The following MLIP variants were observed in gnomAD, a reference collection of about 807,000 sequenced individuals.
MLIP encodes muscular LMNA-interacting protein.
Under a neutral mutation model 84.8 loss-of-function variants are expected in MLIP, and 79 were observed. The ratio of observed to expected loss-of-function variants is 0.93; its 90% CI spans 0.78 to 1.12. The LOEUF is 1.12. MLIP is among the 50% of genes most tolerant of loss of function. The probability of loss-of-function intolerance (pLI) is 0.00; values close to 1 mark genes in which losing one functional copy is unlikely to be tolerated. For synonymous variants in MLIP, 504 were observed against 463.0 expected (o/e 1.09, Z -1.14); for missense variants, 1,257 against 1,160.6 (o/e 1.08, Z -1.21).
intron 1 of MLIP, among the ~76,000 whole-genome samples, chr6:54,024,232 G>A (rs945235213): frequency 2.0e-5 from 3 of 151,692 alleles, no homozygotes; most frequent in East Asian, 3.9e-4. Context: ...GGCTAGTTTC[G>A]AACTCCTGAC....
chr6:54,032,513 G>A (rs1158034357), intron 1 of MLIP: 1 of 152,060 alleles, frequency 6.6e-6, no homozygotes, highest in Admixed American at 6.6e-5. Flanking sequence ...TGTGCATTTG[G>A]TTTGGGTTTG....
intron 1 of MLIP, chr6:54,058,784 A>G (rs1765801921): frequency 6.6e-6 from 1 of 152,220 alleles, no homozygotes; most frequent in Non-Finnish European, 1.5e-5. Flanking sequence ...AACAAATATC[A>G]GATATCAGAT....
chr6:54,252,297 T>C lies in MLIP; in HGVS notation c.2923-5011T>C, dbSNP rs867054974. ...AATATAACTATAATATATTATACCA[T>C]ATAATATATAATATAACTATAATAT... On this transcript the variant is annotated intron_variant, in intron 12 of 13. Transcript: ENST00000502396. 2.0e-3 allele frequency among the ~76,000 whole-genome samples: 230 copies of C among 115,978 alleles called. 5 individuals are homozygous for C. The highest frequency in any genetic ancestry group is 8.2e-3 in the African/African-American group (216 of 26,454). 76.1% of individuals were successfully genotyped at this position (115,978 alleles called of 152,430 possible). A position where few individuals can be genotyped will look rare whatever the true frequency, so the allele number is the denominator to read the frequency against.
intron 1 of MLIP, among the ~76,000 whole-genome samples, chr6:54,111,989 C>A (rs897476052): frequency 6.6e-6 from 1 of 152,096 alleles, no homozygotes; most frequent in Non-Finnish European, 1.5e-5. Context: ...TTAGGCTATC[C>A]GGTGAGAAGA....
intron 1 of MLIP, among the ~76,000 whole-genome samples, chr6:54,042,311 A>T (rs764339416): frequency 1.2e-4 from 18 of 152,068 alleles, no homozygotes; most frequent in Admixed American, 8.5e-4. Context: ...TAGAAGAGGG[A>T]TGTAGCAGTT....
chr6:54,227,645 T>A (rs2150791408), intron 11 of MLIP, among the ~76,000 whole-genome samples: 1 of 152,260 alleles, frequency 6.6e-6, no homozygotes, highest in Admixed American at 6.5e-5. Flanking sequence ...ATGGCTGGGC[T>A]TCTAAACCAC....
intron 1 of MLIP, among the ~76,000 whole-genome samples, chr6:54,030,071 G>A (rs1764036707): frequency 1.3e-5 from 2 of 152,118 alleles, no homozygotes; most frequent in Non-Finnish European, 2.9e-5. Flanking sequence ...ATTGGGGATT[G>A]TTTTCTTCAG....
intron 5 of MLIP, among the ~76,000 whole-genome samples, chr6:54,157,062 TC>T (rs1333137435): frequency 6.6e-6 from 1 of 151,924 alleles, no homozygotes; most frequent in Non-Finnish European, 1.5e-5. Flanking sequence ...GTTCAAAAGA[TC>T]ACCAAAAGTT....
At chr6:54,145,617 T>A (rs1007302758) in intron 4 of MLIP, among the ~76,000 whole-genome samples, 23 of 150,434 alleles carry the variant, frequency 1.5e-4, no homozygotes, top group East Asian at 5.9e-4. Flanking sequence ...ACAAAAAAAA[T>A]AAAAAAAAAT....
At chr6:54,211,877 A>T (rs558607078) in intron 11 of MLIP, among the ~76,000 whole-genome samples, 21 of 152,348 alleles carry the variant, frequency 1.4e-4, no homozygotes, top group African/African-American at 1.7e-4. Context: ...GAAGCTCATT[A>T]CTTTATCCCT....
chr6:54,231,041 T>A, intron 12 of MLIP, 124 bp downstream of exon 12: 1 of 678,214 alleles, frequency 1.5e-6, no homozygotes. Flanking sequence ...TATCTAAATG[T>A]ATAAAGAATA....
At chr6:54,117,571 AAAAG>A (rs1340137124) in intron 1 of MLIP, among the ~76,000 whole-genome samples, 1 of 151,984 alleles carries the variant, frequency 6.6e-6, no homozygotes, top group Non-Finnish European at 1.5e-5. Flanking sequence ...GCAATTAGGC[AAAAG>A]AAAGAGATAA....
At chr6:54,083,568 C>T (rs747826236) in intron 1 of MLIP, 32 of 1,535,830 alleles carry the variant, frequency 2.1e-5, no homozygotes, top group South Asian at 5.9e-5. Flanking sequence ...TAGTTTGACA[C>T]GTGGCACCGG....
At chr6:54,263,537 A>G (rs1324215732) in intron 13 of MLIP, among the ~76,000 whole-genome samples, 2 of 152,082 alleles carry the variant, frequency 1.3e-5, no homozygotes, top group Non-Finnish European at 2.9e-5. Flanking sequence ...CATATTCACA[A>G]GAACACATGT....
At chr6:54,126,251 A>G (rs1434854530) in intron 3 of MLIP, among the ~76,000 whole-genome samples, 1 of 152,086 alleles carries the variant, frequency 6.6e-6, no homozygotes, top group East Asian at 1.9e-4. Flanking sequence ...TAAAAAATTA[A>G]CAAAGCAATT....
intron 1 of MLIP, among the ~76,000 whole-genome samples, chr6:54,028,444 C>A (rs1167633770): frequency 2.0e-5 from 3 of 152,132 alleles, no homozygotes; most frequent in Non-Finnish European, 4.4e-5. Context: ...GTTATAATTT[C>A]TCTGGGGATA....
chr6:54,124,803 C>T lies in MLIP; in HGVS notation c.583C>T (p.Leu195Phe). ...GCGTCCCAAAACACAGGGGACTGAT[C>T]TCAAGACCTCATCACATCCTGAAAT... ...VVRPKTQGTD[L>F]KTSSHPEMLH... Residue 195 changes from leucine to phenylalanine, a missense_variant, in exon 3 of 14, where the codon CTC (leucine) becomes TTC (phenylalanine). Leu to Phe is a conservative substitution (Grantham distance 22). Coordinates refer to ENST00000502396, the MANE Select transcript of MLIP (RefSeq NM_001281747.2). The T allele has an allele frequency of 1.2e-6, 2 of 1,613,374 alleles. No individual in the cohort carries two copies. Among genetic ancestry groups the T allele is most frequent in the Non-Finnish European group, 1.7e-6 (2 of 1,179,712 alleles).
chr6:54,124,277 T>C (rs1394906776), intron 2 of MLIP, among the ~76,000 whole-genome samples, 196 bp from the exon 3 acceptor site: 1 of 152,172 alleles, frequency 6.6e-6, no homozygotes, highest in African/African-American at 2.4e-5. Flanking sequence ...TTGTTTGGGC[T>C]TAGACCAGGA....
At chr6:54,174,089 T>C (rs1021429836) in intron 9 of MLIP, among the ~76,000 whole-genome samples, 1 of 152,060 alleles carries the variant, frequency 6.6e-6, no homozygotes, top group African/African-American at 2.4e-5. Context: ...AAAGGCTGAA[T>C]AGTACTCCAT....
Sources: gnomAD v4.1 joint callset for allele counts (sites outside exome capture counted in the v4.1 genomes callset) on GRCh38, gnomAD v4.1.1 for gene constraint, MANE v1.5 for transcripts, NCBI Gene and HGNC (gene_info 2026-07-23, HGNC 2026-07-21) for gene names.